Variants in NLGN1 observed in about 807,000 individuals in gnomAD.
The protein encoded by NLGN1 is neuroligin-1.
Under a neutral mutation model 65.5 loss-of-function variants are expected in NLGN1, and 12 were observed. That is an observed-to-expected ratio of 0.18 (90% CI 0.12 to 0.30). The LOEUF is 0.30. NLGN1 is among the 10% of genes least tolerant of loss of function. The pLI is 1.00. For synonymous variants in NLGN1, 350 were observed against 359.5 expected (o/e 0.97, Z 0.30); for missense variants, 750 against 1,007.1 (o/e 0.74, Z 3.46).
intron 2 of NLGN1, among the ~76,000 whole-genome samples, chr3:173,546,169 A>G (rs1441347985): frequency 1.3e-5 from 2 of 152,210 alleles, no homozygotes; most frequent in African/African-American, 4.8e-5. Flanking sequence ...ACAATGTAAC[A>G]AATATGTCAG....
chr3:173,648,584 T>TTTC (rs1758648442), intron 3 of NLGN1, among the ~76,000 whole-genome samples: 1 of 148,234 alleles, frequency 6.7e-6, no homozygotes, highest in African/African-American at 2.5e-5. Flanking sequence ...TCTTTCTTTC[T>TTTC]TTTTTTTTTA....
chr3:174,277,672 C>G (rs1235900807), intron 5 of NLGN1, among the ~76,000 whole-genome samples: 4 of 151,706 alleles, frequency 2.6e-5, no homozygotes, highest in Non-Finnish European at 5.9e-5. Flanking sequence ...AAAACCAAAA[C>G]AAATGTATAT....
intron 1 of NLGN1, among the ~76,000 whole-genome samples, chr3:173,419,378 C>T (rs1714540233): frequency 6.6e-6 from 1 of 150,384 alleles, no homozygotes. Flanking sequence ...TATCTCGGGG[C>T]TGGCATCTTC....
At chr3:174,213,887 G>A (rs900955975) in intron 4 of NLGN1, among the ~76,000 whole-genome samples, 1 of 152,122 alleles carries the variant, frequency 6.6e-6, no homozygotes, top group African/African-American at 2.4e-5. Context: ...TTTAAGATTA[G>A]GGATAAAACA....
intron 2 of NLGN1, among the ~76,000 whole-genome samples, chr3:173,571,410 G>C (rs147126509): frequency 2.7e-4 from 41 of 152,294 alleles, no homozygotes; most frequent in Non-Finnish European, 1.9e-4. Flanking sequence ...ATATATAAAA[G>C]ATGCCCTTGG....
intron 4 of NLGN1, among the ~76,000 whole-genome samples, chr3:173,851,768 A>T (rs1024360491): frequency 1.3e-5 from 2 of 152,084 alleles, no homozygotes; most frequent in Admixed American, 6.5e-5. Context: ...AAGAGGGAGC[A>T]CCCTTCTATT....
chr3:173,872,008 G>A (rs1731251854), intron 4 of NLGN1, among the ~76,000 whole-genome samples: 1 of 152,164 alleles, frequency 6.6e-6, no homozygotes, highest in Admixed American at 6.5e-5. Flanking sequence ...TTTAAATAAT[G>A]AAGACTGGTT....
chr3:173,891,377 A>G (rs149562214), intron 4 of NLGN1, among the ~76,000 whole-genome samples: 45 of 152,310 alleles, frequency 3.0e-4, no homozygotes, highest in African/African-American at 8.9e-4. Flanking sequence ...CTTTCAAGCT[A>G]TCTGCATAGT....
intron 4 of NLGN1, among the ~76,000 whole-genome samples, chr3:174,030,095 A>T (rs570032451): frequency 6.6e-6 from 1 of 150,944 alleles, no homozygotes; most frequent in South Asian, 2.1e-4. Flanking sequence ...TATTTCATTT[A>T]ATCCTTATGA....
At position 173,980,707 on chromosome 3, in the gene NLGN1, G is replaced by A. The variant is rs145857657; in HGVS notation, c.646+172875G>A. 4.2e-4 allele frequency among the ~76,000 whole-genome samples: 64 copies of A among 152,060 alleles called. 1 individual carries two copies. The East Asian group carries it at 0.011, about 26-fold the overall frequency. On this transcript the variant is annotated intron_variant, in intron 4 of 6. Transcript: ENST00000457714. ...CTTCAAACTCATCTCATCTTTGCCA[G>A]CATCAGGTATAAAAATTTTTACTTT... is the stretch of plus-strand genomic sequence containing the variant.
At chr3:173,739,579 A>G (rs755541789) in intron 3 of NLGN1, among the ~76,000 whole-genome samples, 2 of 152,092 alleles carry the variant, frequency 1.3e-5, no homozygotes, top group African/African-American at 2.4e-5. Context: ...TCCTCCTGGA[A>G]AAGGTACTTC....
chr3:173,465,691 CTG>C (rs1724230923), intron 2 of NLGN1, among the ~76,000 whole-genome samples: 1 of 152,064 alleles, frequency 6.6e-6, no homozygotes, highest in African/African-American at 2.4e-5. Flanking sequence ...AAAAAGATGA[CTG>C]TTAAACTTTG....
Position 174,275,289 on chromosome 3 carries a change from G to A in NLGN1, c.647-26G>A, listed in dbSNP as rs111894926. On this transcript the variant is annotated intron_variant, in intron 4 of 6. Transcript: ENST00000457714. ...TATTTGATTCACGTCAGCTCAAAACGTGTTTTCTAAATTTATATTTTTCAG... is the reference window on the plus strand; with the variant it reads ...TATTTGATTCACGTCAGCTCAAAACATGTTTTCTAAATTTATATTTTTCAG... 12,316 of 1,559,772 alleles carry A rather than the reference G, an allele frequency of 7.9e-3. 190 individuals carry two copies. The highest frequency in any genetic ancestry group is 0.059 in the African/African-American group (4,334 of 73,662).
intron 4 of NLGN1, among the ~76,000 whole-genome samples, chr3:173,886,830 G>A (rs972187559): frequency 7.9e-5 from 12 of 151,986 alleles, no homozygotes; most frequent in South Asian, 2.1e-4. Context: ...AAAAATAACC[G>A]TCAACCCACC....
chr3:174,139,003 C>T (rs187202581), intron 4 of NLGN1, among the ~76,000 whole-genome samples: 10 of 152,138 alleles, frequency 6.6e-5, no homozygotes, highest in Admixed American at 6.6e-4. Flanking sequence ...AATATAGAAG[C>T]CAAACATACT....
At chr3:173,424,185 T>C (rs166025) in intron 1 of NLGN1, among the ~76,000 whole-genome samples, 43,497 of 152,124 alleles carry the variant, frequency 0.29, 6,429 homozygotes, top group Middle Eastern at 0.41. Context: ...GTTCTGAAGC[T>C]GCACGGATCC....
intron 4 of NLGN1, among the ~76,000 whole-genome samples, chr3:173,846,437 A>G (rs1725808819): frequency 6.6e-6 from 1 of 152,192 alleles, no homozygotes; most frequent in Non-Finnish European, 1.5e-5. Context: ...GTAGACATTC[A>G]GATTACTCAG....
At chr3:173,701,013 T>C (rs1767076877) in intron 3 of NLGN1, among the ~76,000 whole-genome samples, 2 of 152,068 alleles carry the variant, frequency 1.3e-5, no homozygotes, top group Non-Finnish European at 2.9e-5. Context: ...TAGTCCCAGC[T>C]ACTCGGGAGG....
intron 3 of NLGN1, among the ~76,000 whole-genome samples, chr3:173,789,295 CT>C (rs1379766199): frequency 6.6e-6 from 1 of 152,080 alleles, no homozygotes; most frequent in Non-Finnish European, 1.5e-5. Context: ...TGTGCATGCA[CT>C]TTTTTCCTGA....
Sources: allele counts gnomAD v4.1 joint callset (sites outside exome capture counted in the v4.1 genomes callset), GRCh38; gene constraint gnomAD v4.1.1; transcripts MANE v1.5; gene names NCBI Gene and HGNC (gene_info 2026-07-23, HGNC 2026-07-21).